Variants in TSPAN1 observed in about 807,000 individuals in gnomAD.
TSPAN1 encodes the protein tetraspanin 1.
TSPAN1 carries 23 observed loss-of-function variants against 26.9 expected under a neutral mutation model. That is an observed-to-expected ratio of 0.85 (90% confidence interval 0.62 to 1.21). The LOEUF (loss-of-function observed/expected upper bound fraction) is 1.21, where lower values mean the gene tolerates loss of function less well. Among genes scored for constraint, TSPAN1 ranks in the 50% most tolerant of loss-of-function variants. TSPAN1 has a pLI of 0.00. For missense variants in TSPAN1, 283 were observed against 298.4 expected, an observed-to-expected ratio of 0.95 and a Z score of 0.38; for synonymous variants, 115 against 114.8, an observed-to-expected ratio of 1.00 and a Z score of -0.01.
At chr1:46,196,101 C>A in the TSPAN1 span, 1 of 1,613,754 alleles carries the variant, frequency 6.2e-7, no homozygotes, top group South Asian at 1.1e-5. This position sits in a 1 kb window ranked among gnomAD's most constrained non-coding sequence, Gnocchi z 4.4. Flanking sequence ...GAGACAAAGT[C>A]CAGCTTTTCA....
chr1:46,179,743 G>C (rs1180288081), intron 1 of TSPAN1, among the ~76,000 whole-genome samples: 1 of 152,062 alleles, frequency 6.6e-6, no homozygotes, highest in African/African-American at 2.4e-5. Flanking sequence ...AAAGAGAAGG[G>C]GTGTACACAG....
chr1:46,194,958 C>T, the TSPAN1 span: 2 of 1,614,044 alleles, frequency 1.2e-6, no homozygotes, highest in East Asian at 2.2e-5. Context: ...AAGGAGCCCT[C>T]ATCCTGGGGG....
intron 1 of TSPAN1, chr1:46,176,409 C>T (rs1267022871): frequency 1.3e-6 from 2 of 1,535,778 alleles, no homozygotes; most frequent in Non-Finnish European, 1.7e-6. Context: ...CCATACCTGG[C>T]CTGCGGTAGG....
downstream of TSPAN1, chr1:46,189,608 G>A (rs768744209): frequency 6.9e-6 from 11 of 1,584,116 alleles, no homozygotes; most frequent in African/African-American, 1.1e-4. Context: ...GGGTCAGAGA[G>A]CTGTAGGGAG....
At chr1:46,190,851 G>T, downstream of TSPAN1, 1 of 1,421,942 alleles carries the variant, frequency 7.0e-7, no homozygotes, top group Non-Finnish European at 9.9e-7. Flanking sequence ...TTGCTGACCA[G>T]CCAGACATCT....
intron 2 of TSPAN1, 80 bp from the exon 3 acceptor site, chr1:46,181,020 G>T: frequency 8.0e-7 from 1 of 1,246,502 alleles, no homozygotes; most frequent in Non-Finnish European, 1.2e-6. Context: ...TGGCATATCT[G>T]GCTGAATATC....
At chr1:46,194,641 G>C in the TSPAN1 span, 3 of 1,614,102 alleles carry the variant, frequency 1.9e-6, no homozygotes, top group Non-Finnish European at 2.5e-6. Context: ...GTTTCTCCCC[G>C]AAGACAGGAC....
At chr1:46,192,993 G>C in the TSPAN1 span, 2 of 1,612,650 alleles carry the variant, frequency 1.2e-6, no homozygotes, top group African/African-American at 2.7e-5. Flanking sequence ...GTCCCAAAGG[G>C]GTCTCTCCAT....
At chr1:46,194,852 C>T in the TSPAN1 span, 13 of 1,614,180 alleles carry the variant, frequency 8.1e-6, no homozygotes, top group Admixed American at 3.3e-5. Context: ...ACCTCCTTTT[C>T]GTCCCACGAA....
chr1:46,186,787 C>T (rs1384271566), downstream of TSPAN1, among the ~76,000 whole-genome samples: 3 of 151,578 alleles, frequency 2.0e-5, no homozygotes, highest in East Asian at 3.9e-4. Context: ...CTCAGCCTCC[C>T]GAGTAGCTGG....
Position 46,179,727 on chromosome 1 carries a change from T to A in TSPAN1, c.-141-799T>A, listed in dbSNP as rs573134091. Among the ~76,000 whole-genome samples, 5 of 151,870 alleles carry A rather than the reference T, an allele frequency of 3.3e-5. No homozygotes were observed. In the South Asian group the frequency reaches 1.0e-3, roughly 32 times the overall value. On this transcript the variant is annotated intron_variant, in intron 1 of 8. Coordinates refer to ENST00000372003, the MANE Select transcript of TSPAN1 (RefSeq NM_005727.4). ...TTCATGAGACCATGGTGCCACCTAC[T>A]GGCAGAAAGAGAAGGGGTGTACACA...
chr1:46,188,310 C>T (rs1024859461), downstream of TSPAN1, among the ~76,000 whole-genome samples: 1 of 152,212 alleles, frequency 6.6e-6, no homozygotes, highest in Admixed American at 6.5e-5. Flanking sequence ...CTACTATGCA[C>T]ACCTGCTCTC....
chr1:46,177,484 G>A (rs1305782544), intron 1 of TSPAN1, among the ~76,000 whole-genome samples: 2 of 151,992 alleles, frequency 1.3e-5, no homozygotes, highest in African/African-American at 4.8e-5. Context: ...TCCCCTATAA[G>A]GCACATCACA....
the TSPAN1 span, chr1:46,194,456 C>T: frequency 6.2e-7 from 1 of 1,614,058 alleles, no homozygotes; most frequent in Non-Finnish European, 8.5e-7. Context: ...GTTTGAAGAG[C>T]CCCAGGCACA....
chr1:46,189,273 T>G (rs1457135444), downstream of TSPAN1: 1 of 1,613,294 alleles, frequency 6.2e-7, no homozygotes, highest in South Asian at 1.1e-5. Context: ...GGAGGTCTCA[T>G]GTCTGTTCTG....
At chr1:46,179,989 T>TGTGTTTG (rs1657277485) in intron 1 of TSPAN1, among the ~76,000 whole-genome samples, 2 of 135,492 alleles carry the variant, frequency 1.5e-5, no homozygotes, top group African/African-American at 6.2e-5. Context: ...GTGTGTGTGT[T>TGTGTTTG]TGTGTGTGTG....
chr1:46,188,984 G>T, downstream of TSPAN1: 1 of 1,605,948 alleles, frequency 6.2e-7, no homozygotes, highest in Non-Finnish European at 8.5e-7. Flanking sequence ...GCCAGGCCTG[G>T]AAAGTGAGGG....
chr1:46,177,369 A>ATCTC, intron 1 of TSPAN1, among the ~76,000 whole-genome samples: 1 of 151,762 alleles, frequency 6.6e-6, no homozygotes, highest in Non-Finnish European at 1.5e-5. Context: ...CTATCTATCT[A>ATCTC]TCTATCTATC....
intron 1 of TSPAN1, among the ~76,000 whole-genome samples, chr1:46,177,927 A>C (rs1320723335): frequency 1.3e-5 from 2 of 152,220 alleles, no homozygotes; most frequent in Non-Finnish European, 2.9e-5. Context: ...CATGATGATC[A>C]AGATCCAAAA....
Sources: gnomAD v4.1 joint callset for allele counts (sites outside exome capture counted in the v4.1 genomes callset) on GRCh38, gnomAD v4.1.1 for gene constraint, Gnocchi (gnomAD v3.1) non-coding constraint, MANE v1.5 for transcripts, NCBI Gene and HGNC (gene_info 2026-07-23, HGNC 2026-07-21) for gene names.